The following ZNF804A variants were observed in gnomAD, a reference collection of about 807,000 sequenced individuals.
The protein encoded by ZNF804A is zinc finger protein 804A.
A neutral mutation model predicts 16.5 loss-of-function variants in ZNF804A; 2 were observed. The ratio of observed to expected loss-of-function variants is 0.12; its 90% CI spans 0.05 to 0.38. ZNF804A has a LOEUF of 0.38. Among genes scored for constraint, ZNF804A ranks in the 10% least tolerant of loss-of-function variants. The pLI is 0.99. For synonymous variants in ZNF804A, 534 were observed against 489.6 expected, an observed-to-expected ratio of 1.09 and a Z score of -1.20; for missense variants, 1,473 against 1,390.7, an observed-to-expected ratio of 1.06 and a Z score of -0.94.
intron 2 of ZNF804A, among the ~76,000 whole-genome samples, chr2:184,916,175 CT>C (rs1685447171): frequency 6.6e-6 from 1 of 152,054 alleles, no homozygotes; most frequent in African/African-American, 2.4e-5. Context: ...AAACAACTCT[CT>C]GGAATTCAAA....
At chr2:184,840,298 C>T (rs536995770) in intron 1 of ZNF804A, among the ~76,000 whole-genome samples, 11 of 152,192 alleles carry the variant, frequency 7.2e-5, no homozygotes, top group African/African-American at 1.2e-4. Context: ...GCAGAAGAAT[C>T]GCTTGAACCT....
chr2:184,648,437 G>A (rs1691919289), intron 1 of ZNF804A, among the ~76,000 whole-genome samples: 1 of 152,080 alleles, frequency 6.6e-6, no homozygotes, highest in Non-Finnish European at 1.5e-5. Context: ...TAAACAGTGT[G>A]AACTTCCCAC....
chr2:184,734,976 A>G (rs1192108698), intron 1 of ZNF804A, among the ~76,000 whole-genome samples: 3 of 152,142 alleles, frequency 2.0e-5, no homozygotes, highest in African/African-American at 7.2e-5. Flanking sequence ...TATTAACATA[A>G]CCACTCCTGC....
At chr2:184,670,742 T>C (rs1040220372) in intron 1 of ZNF804A, among the ~76,000 whole-genome samples, 23 of 152,200 alleles carry the variant, frequency 1.5e-4, no homozygotes, top group African/African-American at 5.5e-4. Context: ...TGCACTCATA[T>C]GTCTTTTAGA....
chr2:184,878,847 A>G (rs1310046616), intron 2 of ZNF804A, among the ~76,000 whole-genome samples: 1 of 152,046 alleles, frequency 6.6e-6, no homozygotes, highest in African/African-American at 2.4e-5. Context: ...TCTTTAAGCT[A>G]TGACAATCAC....
intron 1 of ZNF804A, among the ~76,000 whole-genome samples, chr2:184,789,327 T>A (rs1694496601): frequency 6.6e-6 from 1 of 152,146 alleles, no homozygotes; most frequent in African/African-American, 2.4e-5. Context: ...GATTTTTGTG[T>A]AAGGATGACA....
intron 1 of ZNF804A, among the ~76,000 whole-genome samples, chr2:184,615,969 C>A (rs1574132738): frequency 6.6e-6 from 1 of 152,216 alleles, no homozygotes; most frequent in South Asian, 2.1e-4. Context: ...CAGAACTTGG[C>A]CCAAGCATTG....
intron 1 of ZNF804A, among the ~76,000 whole-genome samples, chr2:184,738,101 G>A (rs537730404): frequency 6.0e-5 from 9 of 150,500 alleles, no homozygotes; most frequent in South Asian, 2.1e-4. Context: ...ACTCCAGCCC[G>A]GGCAACAAGA....
chr2:184,660,922 A>G (rs1011729474), intron 1 of ZNF804A, among the ~76,000 whole-genome samples: 1 of 152,242 alleles, frequency 6.6e-6, no homozygotes, highest in African/African-American at 2.4e-5. Flanking sequence ...CTCTATTCTC[A>G]TTAATATTGA....
intron 2 of ZNF804A, among the ~76,000 whole-genome samples, chr2:184,868,945 A>G (rs1444335410): frequency 1.3e-5 from 2 of 152,084 alleles, no homozygotes; most frequent in African/African-American, 2.4e-5. Context: ...AAATACCTTT[A>G]CAAGAAACAG....
chr2:184,638,025 C>A (rs951859079), intron 1 of ZNF804A, among the ~76,000 whole-genome samples: 6 of 152,226 alleles, frequency 3.9e-5, no homozygotes, highest in African/African-American at 1.4e-4. Flanking sequence ...AAAGAACCTT[C>A]CCCTTGTCTG....
At chr2:184,693,116 CAT>C (rs1692760866) in intron 1 of ZNF804A, among the ~76,000 whole-genome samples, 1 of 152,050 alleles carries the variant, frequency 6.6e-6, no homozygotes, top group African/African-American at 2.4e-5. Context: ...GGGGTTAGAA[CAT>C]ATATTATTTC....
intron 1 of ZNF804A, among the ~76,000 whole-genome samples, chr2:184,782,152 G>A (rs1161876027): frequency 6.6e-6 from 1 of 151,532 alleles, no homozygotes; most frequent in African/African-American, 2.4e-5. Context: ...AAGTACTTGG[G>A]GTTAGGACTT....
intron 1 of ZNF804A, among the ~76,000 whole-genome samples, chr2:184,640,954 T>G (rs1437697699): frequency 7.9e-5 from 12 of 152,124 alleles, no homozygotes; most frequent in South Asian, 4.1e-4. Context: ...TTTTTAAAAT[T>G]TTTTATTTTA....
At chr2:184,826,035 C>CTATTTATTTATT (rs71011060) in intron 1 of ZNF804A, among the ~76,000 whole-genome samples, 7,674 of 149,498 alleles carry the variant, frequency 0.051, 686 homozygotes, top group African/African-American at 0.18. Context: ...CCATGCCAGG[C>CTATTTATTTATT]TATTTATTTA....
chr2:184,905,926 G>A (rs1685268029), intron 2 of ZNF804A, among the ~76,000 whole-genome samples: 1 of 152,112 alleles, frequency 6.6e-6, no homozygotes, highest in South Asian at 2.1e-4. Context: ...CAGTGTTCTG[G>A]ACTGCTATGT....
intron 1 of ZNF804A, among the ~76,000 whole-genome samples, chr2:184,640,148 A>G (rs926110200): frequency 5.3e-5 from 8 of 151,972 alleles, no homozygotes; most frequent in African/African-American, 1.7e-4. Flanking sequence ...GATTCTAGGC[A>G]GGGGACATTA....
At position 184,933,608 on chromosome 2, in the gene ZNF804A, C is replaced by G. The variant is rs772661368; in HGVS notation, c.261C>G (p.Leu87=). ...NSYDHAHKQR[L]KELKQREFAR... Reference sequence around the variant, plus strand: ...TTCCAACTTTTTTTTAACAGAGGCTCAAGGAACTGAAACAAAGGGAATTTG... The same window carrying G: ...TTCCAACTTTTTTTTAACAGAGGCTGAAGGAACTGAAACAAAGGGAATTTG... The change falls in exon 3 of 4, where the codon CTC becomes CTG. Residue 87 remains leucine, a synonymous_variant. Coordinates refer to ENST00000302277, the MANE Select transcript of ZNF804A (RefSeq NM_194250.2). 7.2e-5 allele frequency: 115 copies of G among 1,592,714 alleles called. No homozygotes were observed. The highest frequency in any genetic ancestry group is 9.4e-5 in the Non-Finnish European group (110 of 1,174,202).
chr2:184,670,437 C>T (rs192514334), intron 1 of ZNF804A, among the ~76,000 whole-genome samples: 9 of 152,138 alleles, frequency 5.9e-5, no homozygotes, highest in East Asian at 3.9e-4. Context: ...AGTTTCAGAG[C>T]GATGCCTATT....
Sources: allele counts gnomAD v4.1 joint callset (sites outside exome capture counted in the v4.1 genomes callset), GRCh38; gene constraint gnomAD v4.1.1; transcripts MANE v1.5; gene names NCBI Gene and HGNC (gene_info 2026-07-23, HGNC 2026-07-21).